The following PARD3B variants were observed in gnomAD, a reference collection of about 807,000 sequenced individuals.
PARD3B encodes partitioning defective 3 homolog B.
In PARD3B, 103 loss-of-function variants were observed where a neutral mutation model predicts 130.2. The observed-to-expected ratio is 0.79, with a 90% CI of 0.67 to 0.93. The LOEUF (loss-of-function observed/expected upper bound fraction) is 0.93, where lower values mean the gene tolerates loss of function less well. Ranked by LOEUF, PARD3B falls within the 40% of genes least tolerant of loss-of-function variation. The pLI, the probability that PARD3B is intolerant of heterozygous loss-of-function variation, is 0.00. For missense variants in PARD3B, 1,609 were observed against 1,499.2 expected (o/e 1.07, Z -1.21); for synonymous variants, 583 against 553.2 (o/e 1.05, Z -0.76).
intron 18 of PARD3B, among the ~76,000 whole-genome samples, chr2:205,314,998 C>T (rs1264973208): frequency 7.9e-5 from 12 of 152,142 alleles, no homozygotes; most frequent in Admixed American, 3.3e-4. Flanking sequence ...CTTCCACTGC[C>T]ACCACTCTAA....
At chr2:204,895,301 A>G (rs965229153) in intron 2 of PARD3B, among the ~76,000 whole-genome samples, 9 of 152,112 alleles carry the variant, frequency 5.9e-5, no homozygotes, top group Non-Finnish European at 1.0e-4. Context: ...TTTTAAACCA[A>G]AAGCTTTTTA....
At chr2:205,335,580 A>G (rs965603267) in intron 18 of PARD3B, among the ~76,000 whole-genome samples, 2 of 152,162 alleles carry the variant, frequency 1.3e-5, no homozygotes, top group African/African-American at 2.4e-5. Context: ...GCAGAGCCAC[A>G]TAACACTGAG....
chr2:204,829,206 T>G (rs1331386419), intron 2 of PARD3B, among the ~76,000 whole-genome samples: 1 of 152,238 alleles, frequency 6.6e-6, no homozygotes, highest in Non-Finnish European at 1.5e-5. Flanking sequence ...CATAGCCTAT[T>G]GTAAATTCTA....
chr2:204,823,075 C>T (rs920930188), intron 2 of PARD3B, among the ~76,000 whole-genome samples: 1 of 152,052 alleles, frequency 6.6e-6, no homozygotes, highest in Non-Finnish European at 1.5e-5. Context: ...TTGTATTTAC[C>T]TGTGTTCCTG....
At chr2:204,881,079 T>C (rs1370427153) in intron 2 of PARD3B, among the ~76,000 whole-genome samples, 3 of 152,222 alleles carry the variant, frequency 2.0e-5, no homozygotes, top group Non-Finnish European at 4.4e-5. Context: ...TGAAAACAAT[T>C]GATGTTTACC....
In PARD3B at chr2:205,558,646, C is replaced by T. The variant is rs1025681993; in HGVS notation, c.3260+5243C>T. ...GATACTTCCACCAGACTCTGCTTCC[C>T]GCCTTTTGCTCCACATGGATTCTCT... On this transcript the variant is annotated intron_variant, in intron 22 of 22. Transcript: ENST00000406610. The surrounding 1 kb of genome is among the most constrained non-coding windows in gnomAD (Gnocchi z 4.8). Among the ~76,000 whole-genome samples, 2 of 152,206 alleles carry T rather than the reference C, an allele frequency of 1.3e-5. No individual in the cohort carries two copies. Among genetic ancestry groups the T allele is most frequent in the South Asian group, 2.1e-4 (1 of 4,826 alleles).
intron 20 of PARD3B, among the ~76,000 whole-genome samples, chr2:205,474,463 G>A (rs2048958110): frequency 1.3e-5 from 2 of 152,038 alleles, no homozygotes; most frequent in Admixed American, 1.3e-4. Flanking sequence ...TTTTTACAAT[G>A]ATACTGTGAT....
intron 2 of PARD3B, among the ~76,000 whole-genome samples, chr2:204,721,292 T>C (rs1228245910): frequency 6.6e-6 from 1 of 152,122 alleles, no homozygotes; most frequent in Non-Finnish European, 1.5e-5. Context: ...TGGTGGAATA[T>C]GAAGCTGGTT....
At position 205,315,130 on chromosome 2, in the gene PARD3B, TTAGA is replaced by T. The variant is rs760208157; in HGVS notation, c.2630+13432_2630+13435del. Among the ~76,000 whole-genome samples, 70 of 152,278 alleles carry T rather than the reference TTAGA, an allele frequency of 4.6e-4. No individual in the cohort carries two copies. In the East Asian group the frequency reaches 0.013, roughly 28 times the overall value. On this transcript the variant is annotated intron_variant, in intron 18 of 22. Transcript: ENST00000406610. ...TACCAATCATTCGTTTGTTCAGTTA[TTAGA>T]TATTTAATGAATGCTTTCCACACAA...
At chr2:205,435,213 G>A (rs1029729004) in intron 19 of PARD3B, among the ~76,000 whole-genome samples, 2 of 151,876 alleles carry the variant, frequency 1.3e-5, no homozygotes, top group Admixed American at 6.6e-5. Context: ...GTATATGTGA[G>A]GATATATATC....
At chr2:205,247,962 T>C (rs965516562) in intron 16 of PARD3B, among the ~76,000 whole-genome samples, 1 of 152,196 alleles carries the variant, frequency 6.6e-6, no homozygotes, top group Non-Finnish European at 1.5e-5. Context: ...AGAATCTCTC[T>C]CTGTCACCCA....
intron 2 of PARD3B, among the ~76,000 whole-genome samples, chr2:204,751,615 G>A (rs2040471229): frequency 6.6e-6 from 1 of 152,112 alleles, no homozygotes; most frequent in Non-Finnish European, 1.5e-5. Flanking sequence ...CTTCAGTCCT[G>A]GTTTCCAGTA....
At chr2:205,197,206 AT>A (rs1018881287) in intron 15 of PARD3B, among the ~76,000 whole-genome samples, 19 of 151,868 alleles carry the variant, frequency 1.3e-4, no homozygotes, top group South Asian at 6.2e-4. Context: ...TAAATCATTT[AT>A]TTTTTTTAAT....
chr2:205,001,555 G>A (rs1179100369), intron 3 of PARD3B, among the ~76,000 whole-genome samples: 3 of 152,180 alleles, frequency 2.0e-5, no homozygotes, highest in Admixed American at 1.3e-4. Context: ...AAGCTGCACC[G>A]TCCAGAATAC....
intron 2 of PARD3B, among the ~76,000 whole-genome samples, chr2:204,841,179 T>C (rs953903308): frequency 6.6e-6 from 1 of 152,122 alleles, no homozygotes; most frequent in Non-Finnish European, 1.5e-5. Flanking sequence ...TGTTTGTACT[T>C]GGTAAGGCTC....
At chr2:205,083,441 T>C (rs1482203996) in intron 4 of PARD3B, among the ~76,000 whole-genome samples, 2 of 152,042 alleles carry the variant, frequency 1.3e-5, no homozygotes, top group African/African-American at 2.4e-5. Flanking sequence ...ATTTCACTTA[T>C]AAAAATCAAC....
intron 18 of PARD3B, among the ~76,000 whole-genome samples, chr2:205,364,081 A>G (rs952798665): frequency 6.6e-6 from 1 of 152,100 alleles, no homozygotes; most frequent in Non-Finnish European, 1.5e-5. Context: ...TTCTAAAATG[A>G]AGTTGAAATA....
intron 2 of PARD3B, among the ~76,000 whole-genome samples, chr2:204,924,379 G>C (rs1323991217): frequency 6.6e-6 from 1 of 151,888 alleles, no homozygotes; most frequent in African/African-American, 2.4e-5. Flanking sequence ...AGCTTAATTC[G>C]ATCTGAATCT....
chr2:205,502,337 A>G (rs1312162015), intron 21 of PARD3B, among the ~76,000 whole-genome samples: 1 of 152,166 alleles, frequency 6.6e-6, no homozygotes, highest in Non-Finnish European at 1.5e-5. Context: ...CTTTAGCATC[A>G]TCACCAGGGC....
Sources: gnomAD v4.1 joint callset for allele counts (sites outside exome capture counted in the v4.1 genomes callset) on GRCh38, gnomAD v4.1.1 for gene constraint, Gnocchi (gnomAD v3.1) non-coding constraint, MANE v1.5 for transcripts, NCBI Gene and HGNC (gene_info 2026-07-23, HGNC 2026-07-21) for gene names.